The following DCC variants were observed in gnomAD, a reference collection of about 807,000 sequenced individuals.
DCC encodes the protein DCC netrin 1 receptor.
DCC carries 58 observed loss-of-function variants against 172.5 expected under a neutral mutation model. The observed-to-expected ratio is 0.34, with a 90% CI of 0.27 to 0.42. The LOEUF (loss-of-function observed/expected upper bound fraction) is 0.42. DCC is among the 10% of genes least tolerant of loss of function. The pLI, the probability that DCC is intolerant of heterozygous loss-of-function variation, is 1.00. For missense variants in DCC, 1,740 were observed against 1,791.0 expected, an observed-to-expected ratio of 0.97 and a Z score of 0.51; for synonymous variants, 709 against 644.5, an observed-to-expected ratio of 1.10 and a Z score of -1.52.
intron 7 of DCC, among the ~76,000 whole-genome samples, chr18:53,094,335 T>A (rs2043054395): frequency 6.6e-6 from 1 of 152,192 alleles, no homozygotes; most frequent in Non-Finnish European, 1.5e-5. Context: ...TTTTTCTCAT[T>A]CCTCTTCTGA....
intron 12 of DCC, among the ~76,000 whole-genome samples, chr18:53,254,126 T>G (rs367815312): frequency 1.3e-5 from 2 of 152,216 alleles, no homozygotes; most frequent in African/African-American, 4.8e-5. Context: ...TTATTTAATG[T>G]GTGTGGGGAC....
chr18:53,419,391 T>G (rs1377580881), intron 21 of DCC, among the ~76,000 whole-genome samples: 4 of 152,164 alleles, frequency 2.6e-5, no homozygotes, highest in Non-Finnish European at 4.4e-5. Context: ...TCATTATTTC[T>G]AACTATATTT....
intron 13 of DCC, among the ~76,000 whole-genome samples, chr18:53,311,016 A>C (rs2057259706): frequency 6.6e-6 from 1 of 152,024 alleles, no homozygotes; most frequent in Non-Finnish European, 1.5e-5. Flanking sequence ...ACACACACAC[A>C]CATTGAGATT....
intron 27 of DCC, among the ~76,000 whole-genome samples, chr18:53,525,433 AAAGTTC>A (rs1220357238): frequency 6.6e-6 from 1 of 152,072 alleles, no homozygotes; most frequent in Non-Finnish European, 1.5e-5. Flanking sequence ...TTTGATCCCT[AAAGTTC>A]AAGAGTGAAA....
chr18:52,341,865 G>A (rs576127678), intron 1 of DCC, among the ~76,000 whole-genome samples: 5 of 147,964 alleles, frequency 3.4e-5, no homozygotes, highest in South Asian at 4.2e-4. Context: ...GGAGAGGAGA[G>A]CGGCTGGATG....
In DCC at chr18:52,991,066, G is replaced by A. The variant is rs1044992676; in HGVS notation, c.985+65696G>A. 9.2e-5 allele frequency among the ~76,000 whole-genome samples: 14 copies of A among 152,188 alleles called. 1 individual carries two copies. Among genetic ancestry groups the A allele is most frequent in the Non-Finnish European group, 7.3e-5 (5 of 68,038 alleles). Reference sequence around the variant, plus strand: ...AATTCAAGCCCAAGGATTTACATTAGTGCAGATAAAATTTGTCAAAGCTTA... The same window carrying A: ...AATTCAAGCCCAAGGATTTACATTAATGCAGATAAAATTTGTCAAAGCTTA... On this transcript the variant is annotated intron_variant, in intron 5 of 28. Coordinates refer to ENST00000442544, the MANE Select transcript of DCC (RefSeq NM_005215.4).
chr18:52,865,102 T>A (rs1394833585), intron 2 of DCC, among the ~76,000 whole-genome samples: 1 of 152,030 alleles, frequency 6.6e-6, no homozygotes, highest in Non-Finnish European at 1.5e-5. Context: ...CCTGACCTCG[T>A]GATCCTCCCG....
chr18:53,442,530 C>T (rs1364919576), intron 22 of DCC, among the ~76,000 whole-genome samples: 2 of 152,146 alleles, frequency 1.3e-5, no homozygotes, highest in Admixed American at 1.3e-4. Context: ...CTTCTCTATT[C>T]TCTGAGCACA....
At chr18:53,281,976 A>C (rs1382065115) in intron 12 of DCC, among the ~76,000 whole-genome samples, 1 of 152,168 alleles carries the variant, frequency 6.6e-6, no homozygotes, top group African/African-American at 2.4e-5. Flanking sequence ...TTCAAAACTA[A>C]GACAAGCACC....
At chr18:53,329,293 A>G in intron 14 of DCC, among the ~76,000 whole-genome samples, 1 of 145,888 alleles carries the variant, frequency 6.9e-6, no homozygotes, top group South Asian at 2.1e-4. Flanking sequence ...TTTTGGCAAG[A>G]AAAACTTTAA....
At chr18:53,137,660 C>T (rs1304253778) in intron 7 of DCC, among the ~76,000 whole-genome samples, 1 of 152,108 alleles carries the variant, frequency 6.6e-6, no homozygotes, top group Non-Finnish European at 1.5e-5. Flanking sequence ...GCTTGGGCCA[C>T]TTTAGTGCAT....
chr18:52,692,589 G>A (rs190160120), intron 1 of DCC, among the ~76,000 whole-genome samples: 104 of 151,990 alleles, frequency 6.8e-4, no homozygotes, highest in Non-Finnish European at 1.4e-3. Flanking sequence ...GCACCACCAT[G>A]CCCAGTTAAT....
chr18:52,893,686 T>G (rs1297842408), intron 2 of DCC, among the ~76,000 whole-genome samples: 2 of 152,192 alleles, frequency 1.3e-5, no homozygotes, highest in Non-Finnish European at 2.9e-5. Flanking sequence ...TAACAGGACT[T>G]AACTATAACA....
At chr18:52,404,642 AGTTTTCTTTTTT>A (rs36206430) in intron 1 of DCC, among the ~76,000 whole-genome samples, 4,211 of 151,450 alleles carry the variant, frequency 0.028, 174 homozygotes, top group African/African-American at 0.094. Context: ...TTAAGAATGG[AGTTTTCTTTTTT>A]GTTTTCTTTT....
rs551183872 is a variant in DCC at position 53,472,572 on chromosome 18, A to G, written c.3736+4562A>G. On this transcript the variant is annotated intron_variant, in intron 25 of 28. Transcript: ENST00000442544. The stretch of plus-strand genomic sequence containing the variant: ...GCCTTCCTGTCCCATCTAATTAGAA[A>G]TATCTTCCTCATCTAATAAATTCCC... Among the ~76,000 whole-genome samples, 3 of 152,278 alleles carry G rather than the reference A, an allele frequency of 2.0e-5. No homozygotes were observed. The South Asian group carries it at 6.2e-4, about 32-fold the overall frequency.
At chr18:53,340,639 T>C (rs2057649053) in intron 15 of DCC, among the ~76,000 whole-genome samples, 1 of 152,198 alleles carries the variant, frequency 6.6e-6, no homozygotes, top group Admixed American at 6.5e-5. Context: ...TTCATATTCA[T>C]TTTAGATCTG....
chr18:53,078,131 T>C (rs887083416), intron 7 of DCC, among the ~76,000 whole-genome samples: 1 of 152,068 alleles, frequency 6.6e-6, no homozygotes, highest in Non-Finnish European at 1.5e-5. Flanking sequence ...CAGAAATATA[T>C]AAGGAATCAC....
intron 1 of DCC, among the ~76,000 whole-genome samples, chr18:52,631,991 G>A (rs545103348): frequency 9.2e-5 from 14 of 152,148 alleles, no homozygotes; most frequent in South Asian, 2.1e-4. Flanking sequence ...CAAAGCCTTC[G>A]CATGTACAAT....
In DCC at chr18:53,322,127, A is replaced by G; in HGVS notation, c.2134A>G (p.Thr712Ala). 1 of 1,581,486 alleles carries G rather than the reference A, an allele frequency of 6.3e-7. No individual in the cohort carries two copies. Among genetic ancestry groups the G allele is most frequent in the East Asian group, 2.2e-5 (1 of 44,684 alleles). ...NGTGPPSNWY[T>A]AETPENDLDE... ...TACTGGACCACCTTCCAACTGGTAT[A>G]CTGCAGAGACTCCAGAGAATGATCT... The change falls in exon 14 of 29, where the codon ACT (threonine) becomes GCT (alanine). Residue 712 changes from threonine (T) to alanine (A), a missense_variant. Physicochemically the swap from Thr to Ala is moderately conservative, Grantham distance 58. Around this residue, in one of 2 missense-constraint regions of DCC, gnomAD observed 1,732 missense variants for 1,767.4 expected, o/e 0.98. Coordinates refer to ENST00000442544, the MANE Select transcript of DCC (RefSeq NM_005215.4).
Sources: gnomAD v4.1 joint callset for allele counts (sites outside exome capture counted in the v4.1 genomes callset) on GRCh38, gnomAD v4.1.1 for gene constraint, gnomAD v4.1.1 regional missense constraint, MANE v1.5 for transcripts, NCBI Gene and HGNC (gene_info 2026-07-23, HGNC 2026-07-21) for gene names.